COPG2: variants seen among roughly 807,000 people sequenced by gnomAD.
The protein encoded by COPG2 is coatomer subunit gamma-2.
COPG2 carries 37 observed loss-of-function variants against 46.3 expected under a neutral mutation model. The observed-to-expected ratio is 0.80, with a 90% CI of 0.61 to 1.05. COPG2 has a LOEUF of 1.05. Ranked by LOEUF, COPG2 falls within the 50% of genes least tolerant of loss-of-function variation. The pLI is 0.00. For missense variants in COPG2, 427 were observed against 387.8 expected, an observed-to-expected ratio of 1.10 and a Z score of -0.85; for synonymous variants, 159 against 129.7, an observed-to-expected ratio of 1.23 and a Z score of -1.53.
chr7:130,577,826 G>A (rs1284678035), intron 9 of COPG2, among the ~76,000 whole-genome samples: 3 of 142,040 alleles, frequency 2.1e-5, no homozygotes, highest in Admixed American at 7.1e-5. Flanking sequence ...ATTACATCCC[G>A]CACCTGGCTC....
intron 4 of COPG2, among the ~76,000 whole-genome samples, chr7:130,655,157 G>T (rs781949436): frequency 1.6e-4 from 25 of 152,004 alleles, no homozygotes; most frequent in Non-Finnish European, 2.5e-4. Context: ...TCATTTATTA[G>T]ATGCTGCACA....
intron 6 of COPG2, among the ~76,000 whole-genome samples, chr7:130,614,511 C>T (rs1427298146): frequency 2.6e-5 from 4 of 152,146 alleles, no homozygotes; most frequent in Non-Finnish European, 4.4e-5. Context: ...AATGCCTGGC[C>T]TACCCTTCCT....
chr7:130,635,076 G>C (rs1482335763), intron 5 of COPG2, among the ~76,000 whole-genome samples: 1 of 149,948 alleles, frequency 6.7e-6, no homozygotes, highest in African/African-American at 2.5e-5. Context: ...GATCATACTA[G>C]ATAAGCTTTT....
chr7:130,657,619 A>G (rs1268139821), intron 4 of COPG2, among the ~76,000 whole-genome samples: 2 of 152,214 alleles, frequency 1.3e-5, no homozygotes, highest in Non-Finnish European at 2.9e-5. Context: ...GAGAGACAAT[A>G]ATTGTGAAAC....
intron 12 of COPG2, among the ~76,000 whole-genome samples, chr7:130,560,340 AAAG>A (rs1367270922): frequency 1.3e-5 from 2 of 152,192 alleles, no homozygotes; most frequent in Non-Finnish European, 2.9e-5. Flanking sequence ...CAGAGAAATT[AAAG>A]AAGATCTAAA....
chr7:130,665,378 A>T (rs1554461277), intron 3 of COPG2, among the ~76,000 whole-genome samples: 1 of 152,150 alleles, frequency 6.6e-6, no homozygotes, highest in Admixed American at 6.5e-5. Flanking sequence ...TGTATGTTTT[A>T]TGTGTCCGTC....
At chr7:130,667,732 T>C (rs1221256285) in intron 1 of COPG2, among the ~76,000 whole-genome samples, 198 bp from the exon 2 acceptor site, 1 of 152,210 alleles carries the variant, frequency 6.6e-6, no homozygotes, top group Non-Finnish European at 1.5e-5. Flanking sequence ...GAGCTGAGAC[T>C]TCTCTTTCGC....
chr7:130,579,377 C>A (rs1240713690), intron 9 of COPG2, among the ~76,000 whole-genome samples: 5 of 150,088 alleles, frequency 3.3e-5, no homozygotes, highest in Admixed American at 3.3e-4. Flanking sequence ...ACAACCGGTA[C>A]CAGCCACTGC....
At chr7:130,561,520 T>C (rs1470929783) in intron 11 of COPG2, among the ~76,000 whole-genome samples, 1 of 152,206 alleles carries the variant, frequency 6.6e-6, no homozygotes, top group East Asian at 1.9e-4. Context: ...ATACGTCTAT[T>C]CTATTAGATG....
chr7:130,556,931 A>C (rs1344007991), intron 12 of COPG2, among the ~76,000 whole-genome samples: 1 of 152,216 alleles, frequency 6.6e-6, no homozygotes, highest in African/African-American at 2.4e-5. Flanking sequence ...GAACCCTGAA[A>C]GGCATTCCCA....
chr7:130,515,216 T>C (rs1052982414), intron 20 of COPG2, among the ~76,000 whole-genome samples: 2 of 152,174 alleles, frequency 1.3e-5, no homozygotes, highest in African/African-American at 2.4e-5. Flanking sequence ...AGAAGTCTAA[T>C]TGGCTCAAGG....
At chr7:130,509,601 T>G in intron 20 of COPG2, 1 of 466,138 alleles carries the variant, frequency 2.1e-6, no homozygotes, top group Non-Finnish European at 4.4e-6. Context: ...TTCCATCCAT[T>G]CATCCATCCA....
chr7:130,565,514 A>G, intron 9 of COPG2, among the ~76,000 whole-genome samples: 1 of 152,360 alleles, frequency 6.6e-6, no homozygotes, highest in East Asian at 1.9e-4. Flanking sequence ...TTCTGACAAA[A>G]TAATTATGAG....
At chr7:130,511,653 A>C in intron 20 of COPG2, 1 of 515,756 alleles carries the variant, frequency 1.9e-6, no homozygotes, top group Non-Finnish European at 3.9e-6. Flanking sequence ...AAGTCATAAG[A>C]GAGTATGAAA....
intron 9 of COPG2, among the ~76,000 whole-genome samples, chr7:130,575,897 C>G (rs143232227): frequency 6.6e-6 from 1 of 152,066 alleles, no homozygotes; most frequent in Admixed American, 6.5e-5. Flanking sequence ...AAATGGACAC[C>G]AAAAGCAAGG....
intron 5 of COPG2, among the ~76,000 whole-genome samples, chr7:130,619,232 G>C (rs1332977341): frequency 6.6e-6 from 1 of 152,114 alleles, no homozygotes; most frequent in Non-Finnish European, 1.5e-5. Context: ...TTGAAATATA[G>C]CTAGTGTGAC....
chr7:130,519,771 A>G (rs1227886519), intron 20 of COPG2, among the ~76,000 whole-genome samples: 1 of 152,244 alleles, frequency 6.6e-6, no homozygotes, highest in Non-Finnish European at 1.5e-5. Flanking sequence ...TGTATGAATT[A>G]GAAAGCAGTT....
intron 9 of COPG2, among the ~76,000 whole-genome samples, chr7:130,604,151 T>C (rs1554450872): frequency 2.6e-5 from 4 of 152,144 alleles, no homozygotes; most frequent in Non-Finnish European, 1.5e-5. Context: ...AAAATCCATG[T>C]GTAAGTGGAC....
intron 12 of COPG2, among the ~76,000 whole-genome samples, chr7:130,556,951 G>A (rs1012481056): frequency 6.2e-4 from 94 of 152,282 alleles, no homozygotes; most frequent in African/African-American, 2.2e-3. Context: ...ATTGAGGTCA[G>A]AAGTGATGCA....
Sources: gnomAD v4.1 joint callset for allele counts (sites outside exome capture counted in the v4.1 genomes callset) on GRCh38, gnomAD v4.1.1 for gene constraint, MANE v1.5 for transcripts, NCBI Gene and HGNC (gene_info 2026-07-23, HGNC 2026-07-21) for gene names.